The following ARSB variants were observed in gnomAD, a reference collection of about 807,000 sequenced individuals.
The protein encoded by ARSB is arylsulfatase B.
A neutral mutation model predicts 50.9 loss-of-function variants in ARSB; 41 were observed. The ratio of observed to expected loss-of-function variants is 0.81; its 90% CI spans 0.63 to 1.04. The LOEUF (loss-of-function observed/expected upper bound fraction) is 1.04, where lower values mean the gene tolerates loss of function less well. Among genes scored for constraint, ARSB ranks in the 50% least tolerant of loss-of-function variants. The pLI, the probability that ARSB is intolerant of heterozygous loss-of-function variation, is 0.00. For synonymous variants in ARSB, 269 were observed against 284.8 expected (o/e 0.94, Z 0.56); for missense variants, 672 against 693.3 (o/e 0.97, Z 0.35).
rs1491427657 is a variant in ARSB, at chr5:78,841,156, C to CTAATAA, written c.1143-1731_1143-1730insTTATTA. On this transcript the variant is annotated intron_variant, in intron 5 of 7. Coordinates refer to ENST00000264914, the MANE Select transcript of ARSB (RefSeq NM_000046.5). ...TGTACTACTACTACTACTACTACTACTACTACTACTACTAATAATAATAAT... is the reference window on the plus strand; with the variant it reads ...TGTACTACTACTACTACTACTACTACTAATAATACTACTACTACTAATAATAATAAT... Among the ~76,000 whole-genome samples the CTAATAA allele has an allele frequency of 8.6e-3, 883 of 102,850 alleles. 7 individuals carry two copies. The highest frequency in any genetic ancestry group is 0.03 in the African/African-American group (836 of 28,276). 67.5% of individuals were successfully genotyped at this position (102,850 alleles called of 152,430 possible).
At chr5:78,892,342 G>A (rs1306800911) in intron 4 of ARSB, among the ~76,000 whole-genome samples, 1 of 133,924 alleles carries the variant, frequency 7.5e-6, no homozygotes, top group Non-Finnish European at 1.5e-5. Context: ...TGCAACCTCC[G>A]CCTCCAGGGT....
In ARSB at chr5:78,800,321, T is replaced by TA. The variant is rs780478380; in HGVS notation, c.1214-18348dup. Among the ~76,000 whole-genome samples the TA allele has an allele frequency of 2.1e-3, 262 of 121,932 alleles. 1 individual carries two copies. Among genetic ancestry groups the TA allele is most frequent in the Admixed American group, 3.2e-3 (39 of 12,170 alleles). The allele number at this position is 121,932 out of a possible 152,430, so 80.0% of individuals were successfully genotyped here. A position where few individuals can be genotyped will look rare whatever the true frequency, so the allele number is the denominator to read the frequency against. On this transcript the variant is annotated intron_variant, in intron 6 of 7. Transcript: ENST00000264914. The stretch of plus-strand genomic sequence containing the variant: ...TGACAGAGCAAGACTCCATCTCAAT[T>TA]AAAAAAAAAAAAAAAAGCAGCAGCA...
chr5:78,962,522 CG>C (rs1752033461), intron 3 of ARSB, among the ~76,000 whole-genome samples: 1 of 103,236 alleles, frequency 9.7e-6, no homozygotes. Context: ...TACATGTGCT[CG>C]ATTTTTTTTT....
chr5:78,871,909 C>T (rs1314014255), intron 5 of ARSB, among the ~76,000 whole-genome samples: 6 of 148,630 alleles, frequency 4.0e-5, no homozygotes, highest in East Asian at 1.9e-4. Context: ...ATTTTCGCAA[C>T]CTACTCATCT....
intron 1 of ARSB, among the ~76,000 whole-genome samples, chr5:78,970,550 A>C (rs1424104310): frequency 6.6e-6 from 1 of 152,304 alleles, no homozygotes; most frequent in East Asian, 1.9e-4. Context: ...AAGACCAAAA[A>C]GTTTGAGAAC....
intron 4 of ARSB, among the ~76,000 whole-genome samples, chr5:78,889,756 G>A (rs1279485891): frequency 6.6e-6 from 1 of 152,160 alleles, no homozygotes; most frequent in Non-Finnish European, 1.5e-5. Context: ...AAATCAAAAT[G>A]AAACCATGAC....
intron 6 of ARSB, among the ~76,000 whole-genome samples, chr5:78,799,386 T>C (rs1221867877): frequency 6.6e-6 from 1 of 152,208 alleles, no homozygotes; most frequent in Non-Finnish European, 1.5e-5. Flanking sequence ...GCATGCTTCC[T>C]GAGAAATGCC....
intron 4 of ARSB, among the ~76,000 whole-genome samples, chr5:78,937,432 A>G (rs1750679181): frequency 7.2e-6 from 1 of 138,608 alleles, no homozygotes; most frequent in Non-Finnish European, 1.5e-5. Context: ...TATATCATAT[A>G]TATGATATAT....
At chr5:78,867,579 G>T (rs1445993402) in intron 5 of ARSB, among the ~76,000 whole-genome samples, 1 of 151,784 alleles carries the variant, frequency 6.6e-6, no homozygotes, top group Non-Finnish European at 1.5e-5. Flanking sequence ...ACACGGCAGG[G>T]TATTCCAACA....
At chr5:78,949,727 T>G (rs57568807) in intron 4 of ARSB, among the ~76,000 whole-genome samples, 6,887 of 152,190 alleles carry the variant, frequency 0.045, 489 homozygotes, top group African/African-American at 0.15. Context: ...CTGGCCAACA[T>G]GGCGAAACCT....
chr5:78,891,612 C>T (rs1162717705), intron 4 of ARSB, among the ~76,000 whole-genome samples: 2 of 152,086 alleles, frequency 1.3e-5, no homozygotes, highest in African/African-American at 4.8e-5. Flanking sequence ...AATGACTGGG[C>T]TTTGTGGAGG....
chr5:78,809,175 T>G (rs1322143470), intron 6 of ARSB, among the ~76,000 whole-genome samples: 2 of 152,094 alleles, frequency 1.3e-5, no homozygotes, highest in Non-Finnish European at 2.9e-5. Context: ...GAGCTACAGG[T>G]GCATAGAACA....
intron 6 of ARSB, chr5:78,815,562 G>A: frequency 8.1e-6 from 8 of 987,450 alleles, no homozygotes; most frequent in Non-Finnish European, 9.6e-6. Context: ...AAGCATCTGG[G>A]CCTACATTTT....
Position 78,787,091 on chromosome 5 carries a change from C to T in ARSB, c.1214-5117G>A, listed in dbSNP as rs75232694. Among the ~76,000 whole-genome samples the T allele has an allele frequency of 2.3e-3, 290 of 128,052 alleles. 1 individual carries two copies. Among genetic ancestry groups the T allele is most frequent in the African/African-American group, 7.9e-3 (274 of 34,860 alleles). 84.0% of individuals were successfully genotyped at this position (128,052 alleles called of 152,430 possible). Reference sequence around the variant, plus strand: ...CTATAGTTATTAAAAAATCGATAACCATCTATCTATCTATCTATCTATCTA... The same window carrying T: ...CTATAGTTATTAAAAAATCGATAACTATCTATCTATCTATCTATCTATCTA... On this transcript the variant is annotated intron_variant, in intron 6 of 7. Coordinates refer to ENST00000264914, the MANE Select transcript of ARSB (RefSeq NM_000046.5).
intron 4 of ARSB, among the ~76,000 whole-genome samples, chr5:78,922,579 G>A (rs77213514): frequency 0.051 from 7,675 of 151,718 alleles, 501 homozygotes; most frequent in African/African-American, 0.15. Context: ...GGCCTTGAAC[G>A]GGATTCAGAG....
chr5:78,978,554 T>C lies in ARSB; in HGVS notation c.312+6383A>G, dbSNP rs61245661. On this transcript the variant is annotated intron_variant, in intron 1 of 7. Coordinates refer to ENST00000264914, the MANE Select transcript of ARSB (RefSeq NM_000046.5). The stretch of plus-strand genomic sequence containing the variant: ...CAAGGGGCCGAGAATAGCCAAACTA[T>C]CTCGAAAAAGAATAACAAAATTGGA... Among the ~76,000 whole-genome samples, 1,402 of 152,084 alleles carry C rather than the reference T, an allele frequency of 9.2e-3. 21 individuals carry two copies. The highest frequency in any genetic ancestry group is 0.033 in the African/African-American group (1,352 of 41,454).
At chr5:78,942,919 C>G (rs1431128222) in intron 4 of ARSB, among the ~76,000 whole-genome samples, 50 of 152,126 alleles carry the variant, frequency 3.3e-4, no homozygotes, top group Admixed American at 3.3e-3. Context: ...GAGTCTAAGT[C>G]TCTTTGTAGG....
chr5:78,907,153 G>A (rs1011713287), intron 4 of ARSB, among the ~76,000 whole-genome samples: 4 of 152,144 alleles, frequency 2.6e-5, no homozygotes, highest in South Asian at 2.1e-4. Context: ...CACGGAGGCC[G>A]TTCAAGCCCC....
At chr5:78,883,232 C>T (rs1489120948) in intron 5 of ARSB, 1 of 152,142 alleles carries the variant, frequency 6.6e-6, no homozygotes, top group African/African-American at 2.4e-5. Context: ...AAAGTCATCG[C>T]ATATGAATGA....
Sources: gnomAD v4.1 joint callset for allele counts (sites outside exome capture counted in the v4.1 genomes callset) on GRCh38, gnomAD v4.1.1 for gene constraint, MANE v1.5 for transcripts, NCBI Gene and HGNC (gene_info 2026-07-23, HGNC 2026-07-21) for gene names.